The following JUN variants were observed in gnomAD, a reference collection of about 807,000 sequenced individuals.
JUN encodes the protein transcription factor Jun.
JUN carries 7 observed loss-of-function variants against 19.7 expected under a neutral mutation model. The ratio of observed to expected loss-of-function variants is 0.36; its 90% CI spans 0.20 to 0.67. The LOEUF (loss-of-function observed/expected upper bound fraction) is 0.67. JUN is among the 30% of genes least tolerant of loss of function. The pLI, the probability that JUN is intolerant of heterozygous loss-of-function variation, is 0.64. For synonymous variants in JUN, 246 were observed against 206.9 expected, an observed-to-expected ratio of 1.19 and a Z score of -1.62; for missense variants, 373 against 451.0, an observed-to-expected ratio of 0.83 and a Z score of 1.57.
chr1:58,783,202 C>T lies in JUN; in HGVS notation c.-132G>A, dbSNP rs1272370523. On this transcript the variant is annotated 5_prime_UTR_variant, in exon 1 of 1. Coordinates refer to ENST00000371222, the MANE Select transcript of JUN (RefSeq NM_002228.4). Reference sequence around the variant, plus strand: ...TTGACAGGGAAAGTTTCTCTAAGAGCGCACGCACCCGCTGGCTGTCGTCCC... The same window carrying T: ...TTGACAGGGAAAGTTTCTCTAAGAGTGCACGCACCCGCTGGCTGTCGTCCC... 1.5e-6 allele frequency: 2 copies of T among 1,378,320 alleles called. No individual in the cohort carries two copies. Among genetic ancestry groups the T allele is most frequent in the Non-Finnish European group, 2.0e-6 (2 of 1,019,302 alleles). The allele number at this position is 1,378,320 out of a possible 1,614,324, so 85.4% of individuals were successfully genotyped here.
chr1:58,781,230 TGA>T lies in JUN; in HGVS notation c.*843_*844del, dbSNP rs2100737736. 1 of 233,250 alleles carries T rather than the reference TGA, an allele frequency of 4.3e-6. No individual in the cohort carries two copies. The highest frequency in any genetic ancestry group is 6.1e-5 in the East Asian group (1 of 16,506). The allele number at this position is 233,250 out of a possible 1,614,324, so 14.4% of individuals were successfully genotyped here. A position where few individuals can be genotyped will look rare whatever the true frequency, so the allele number is the denominator to read the frequency against. ...TTTACTGCTTAATAGTAAGAAGCAC[TGA>T]GAGTGATTTTAATCGACATTCTTAA... On this transcript the variant is annotated 3_prime_UTR_variant, in exon 1 of 1. Coordinates refer to ENST00000371222, the MANE Select transcript of JUN (RefSeq NM_002228.4).
At position 58,783,071 on chromosome 1, in the gene JUN, A is replaced by G. The variant is rs750407707; in HGVS notation, c.-1T>C. The G allele has an allele frequency of 6.2e-7, 1 of 1,609,976 alleles. No homozygotes were observed. Among genetic ancestry groups the G allele is most frequent in the Non-Finnish European group, 8.5e-7 (1 of 1,176,884 alleles). On this transcript the variant is annotated 5_prime_UTR_variant, in exon 1 of 1. Coordinates refer to ENST00000371222, the MANE Select transcript of JUN (RefSeq NM_002228.4). ...AGGTCGTTTCCATCTTTGCAGTCAT[A>G]GAACAGTCCGTCACTTCACGTGAGG...
rs1298844297 is a variant in JUN at position 58,781,462 on chromosome 1, A to G, written c.*613T>C. On this transcript the variant is annotated 3_prime_UTR_variant, in exon 1 of 1. Transcript: ENST00000371222. ...TTATTTACAAACAACACTGGGCAGGATACCCAAACAAACAAACAAGAAATA... is the reference window on the plus strand; with the variant it reads ...TTATTTACAAACAACACTGGGCAGGGTACCCAAACAAACAAACAAGAAATA... 2 of 226,128 alleles carry G rather than the reference A, an allele frequency of 8.8e-6. No individual in the cohort carries two copies. Among genetic ancestry groups the G allele is most frequent in the Non-Finnish European group, 1.8e-5 (2 of 113,428 alleles). 14.0% of individuals were successfully genotyped at this position (226,128 alleles called of 1,614,324 possible). A position where few individuals can be genotyped will look rare whatever the true frequency, so the allele number is the denominator to read the frequency against.
In JUN at chr1:58,782,723, G is replaced by T; in HGVS notation, c.348C>A (p.Arg116=). 1 of 1,607,882 alleles carries T rather than the reference G, an allele frequency of 6.2e-7. No individual in the cohort carries two copies. ...TCTGGCTGTGCAGTTCGGCCAGGGC[G>T]CGCACGAAGCCCTCGGCGAAGCCCT... ...EQEGFAEGFV[R]ALAELHSQNT... is the part of the protein sequence containing the mutation. The change falls in exon 1 of 1, where the codon CGC becomes CGA. Residue 116 remains arginine (R), a synonymous_variant. Transcript: ENST00000371222. The surrounding 1 kb of genome is among the most constrained non-coding windows in gnomAD (Gnocchi z 8.7).
At position 58,782,737 on chromosome 1, in the gene JUN, C is replaced by A; in HGVS notation, c.334G>T (p.Glu112Ter). Residue 112 changes from glutamate to a stop codon, truncating the protein, a stop_gained, in exon 1 of 1, where the codon GAG becomes TAG. Coordinates refer to ENST00000371222, the MANE Select transcript of JUN (RefSeq NM_002228.4). LOFTEE classifies it high-confidence loss of function. This position sits in a 1 kb window ranked among gnomAD's most constrained non-coding sequence, Gnocchi z 8.7. ...TCGGCCAGGGCGCGCACGAAGCCCT[C>A]GGCGAAGCCCTCCTGCTCATCTGTC... ...NVTDEQEGFA[E>*]GFVRALAELH... The A allele has an allele frequency of 6.2e-7, 1 of 1,610,680 alleles. No individual in the cohort carries two copies. The highest frequency in any genetic ancestry group is 8.5e-7 in the Non-Finnish European group (1 of 1,179,304).
In JUN at chr1:58,782,529, A is replaced by T. The variant is rs1414693599; in HGVS notation, c.542T>A (p.Leu181Gln). Residue 181 changes from leucine (L) to glutamine (Q), a missense_variant, in exon 1 of 1, where the codon CTG becomes CAG. Physicochemically the swap from Leu to Gln is moderately radical, Grantham distance 113. This residue lies in a region of JUN where 173 missense variants were observed against 154.5 expected (regional missense o/e 1.12). Transcript: ENST00000371222. The surrounding 1 kb of genome is among the most constrained non-coding windows in gnomAD (Gnocchi z 8.7). ...ANLSNFNPGALSSGGGAPSYG... is the reference protein window; with the variant it reads ...ANLSNFNPGAQSSGGGAPSYG... ...GGAGGGCGCCCCGCCGCCGCTGCTC[A>T]GCGCGCCTGGGTTGAAGTTGCTGAG... 5 of 1,575,918 alleles carry T rather than the reference A, an allele frequency of 3.2e-6. No individual in the cohort carries two copies. The highest frequency in any genetic ancestry group is 4.3e-6 in the Non-Finnish European group (5 of 1,167,198).
chr1:58,781,138 G>C lies in JUN; in HGVS notation c.*937C>G. 4.3e-6 allele frequency: 1 copy of C among 233,156 alleles called. No homozygotes were observed. The highest frequency in any genetic ancestry group is 8.5e-6 in the Non-Finnish European group (1 of 117,846). 14.4% of individuals were successfully genotyped at this position (233,156 alleles called of 1,614,324 possible). On this transcript the variant is annotated 3_prime_UTR_variant, in exon 1 of 1. Coordinates refer to ENST00000371222, the MANE Select transcript of JUN (RefSeq NM_002228.4). ...CATATAGATAGCTGGGGGAGGAGGA[G>C]TATAACCTGACCATAGCATCAGGTA... is the stretch of plus-strand genomic sequence containing the variant.
Position 58,782,891 on chromosome 1 carries a change from G to A in JUN, c.180C>T (p.Leu60=). The A allele has an allele frequency of 6.2e-7, 1 of 1,614,224 alleles. No homozygotes were observed. Among genetic ancestry groups the A allele is most frequent in the East Asian group, 2.2e-5 (1 of 44,882 alleles). The change falls in exon 1 of 1, where the codon CTC becomes CTT. Residue 60 remains leucine (L), a synonymous_variant. Transcript: ENST00000371222. This position sits in a 1 kb window ranked among gnomAD's most constrained non-coding sequence, Gnocchi z 8.7. ...KPHLRAKNSD[L]LTSPDVGLLK... ...GCAGCCCCACGTCGGGCGAGGTGAG[G>A]AGGTCCGAGTTCTTGGCGCGGAGGT...
At position 58,782,986 on chromosome 1, in the gene JUN, T is replaced by A. The variant is rs1351439445; in HGVS notation, c.85A>T (p.Ser29Cys). The change falls in exon 1 of 1, where the codon AGT (serine) becomes TGT (cysteine). Residue 29 changes from serine to cysteine, a missense_variant. Transcript: ENST00000371222. This position sits in a 1 kb window ranked among gnomAD's most constrained non-coding sequence, Gnocchi z 8.7. ...LPSESGPYGY[S>C]NPKILKQSMT... is the part of the protein sequence containing the mutation. ...CTCTGTTTCAGGATCTTGGGGTTAC[T>A]GTAGCCATAAGGTCCGCTCTCGGAC... 6.2e-7 allele frequency: 1 copy of A among 1,614,096 alleles called. No individual in the cohort carries two copies. The highest frequency in any genetic ancestry group is 1.3e-5 in the African/African-American group (1 of 74,932).
rs1645576674 is a variant in JUN, at chr1:58,781,851, G to A, written c.*224C>T. On this transcript the variant is annotated 3_prime_UTR_variant, in exon 1 of 1. Coordinates refer to ENST00000371222, the MANE Select transcript of JUN (RefSeq NM_002228.4). ...CGTCCGCAAAGCGGGGCAGCCCGCA[G>A]GCGGCCGCTCCCTGGCTCCACGCCA... is the stretch of plus-strand genomic sequence containing the variant. The A allele has an allele frequency of 1.8e-6, 1 of 560,862 alleles. No individual in the cohort carries two copies. 34.7% of individuals were successfully genotyped at this position (560,862 alleles called of 1,614,324 possible). A position where few individuals can be genotyped will look rare whatever the true frequency, so the allele number is the denominator to read the frequency against.
At position 58,781,228 on chromosome 1, in the gene JUN, A is replaced by C. The variant is rs1645571766; in HGVS notation, c.*847T>G. The C allele has an allele frequency of 4.3e-6, 1 of 233,182 alleles. No individual in the cohort carries two copies. Among genetic ancestry groups the C allele is most frequent in the African/African-American group, 2.2e-5 (1 of 45,326 alleles). 14.4% of individuals were successfully genotyped at this position (233,182 alleles called of 1,614,324 possible). ...TTTTTACTGCTTAATAGTAAGAAGC[A>C]CTGAGAGTGATTTTAATCGACATTC... On this transcript the variant is annotated 3_prime_UTR_variant, in exon 1 of 1. Transcript: ENST00000371222.
rs1402227271 is a variant in JUN at position 58,782,526 on chromosome 1, C to T, written c.545G>A (p.Ser182Asn). The T allele has an allele frequency of 5.7e-6, 9 of 1,575,042 alleles. No individual in the cohort carries two copies. In the Admixed American group the frequency reaches 1.1e-4, roughly 19 times the overall value. ...GTAGGAGGGCGCCCCGCCGCCGCTGCTCAGCGCGCCTGGGTTGAAGTTGCT... is the reference window on the plus strand; with the variant it reads ...GTAGGAGGGCGCCCCGCCGCCGCTGTTCAGCGCGCCTGGGTTGAAGTTGCT... ...NLSNFNPGAL[S>N]SGGGAPSYGA... The change falls in exon 1 of 1, where the codon AGC (serine) becomes AAC (asparagine). Residue 182 changes from serine (S) to asparagine (N), a missense_variant. This residue lies in a region of JUN where 173 missense variants were observed against 154.5 expected (regional missense o/e 1.12). Coordinates refer to ENST00000371222, the MANE Select transcript of JUN (RefSeq NM_002228.4). This position sits in a 1 kb window ranked among gnomAD's most constrained non-coding sequence, Gnocchi z 8.7.
rs908690389 is a variant in JUN at position 58,782,236 on chromosome 1, G to A, written c.835C>T (p.Arg279Trp). 2 of 1,614,096 alleles carry A rather than the reference G, an allele frequency of 1.2e-6. No homozygotes were observed. The highest frequency in any genetic ancestry group is 2.7e-5 in the African/African-American group (2 of 74,932). ...AAGGTTTTCACTTTTTCCTCCAGCC[G>A]GGCGATTCTCTCCAGCTTCCTTTTT... is the stretch of plus-strand genomic sequence containing the variant. ...CRKRKLERIARLEEKVKTLKA... is the reference protein window; with the variant it reads ...CRKRKLERIAWLEEKVKTLKA... The change falls in exon 1 of 1, where the codon CGG becomes TGG. Residue 279 changes from arginine to tryptophan, a missense_variant. Around this residue, in one of 4 missense-constraint regions of JUN, gnomAD observed 83 missense variants for 143.0 expected, o/e 0.58. Transcript: ENST00000371222. The surrounding 1 kb of genome is among the most constrained non-coding windows in gnomAD (Gnocchi z 8.7).
In JUN at chr1:58,782,340, G is replaced by C; in HGVS notation, c.731C>G (p.Pro244Arg). The change falls in exon 1 of 1, where the codon CCC becomes CGC. Residue 244 changes from proline (P) to arginine (R), a missense_variant. This residue lies in a region of JUN where 83 missense variants were observed against 143.0 expected (regional missense o/e 0.58). Transcript: ENST00000371222. The surrounding 1 kb of genome is among the most constrained non-coding windows in gnomAD (Gnocchi z 8.7). The part of the protein sequence containing the change: ...EMPGETPPLS[P>R]IDMESQERIK... ...CCGCTCCTGGGACTCCATGTCGATG[G>C]GGGACAGGGGCGGTGTCTCGCCGGG... is the stretch of plus-strand genomic sequence containing the variant. The C allele has an allele frequency of 6.2e-7, 1 of 1,614,172 alleles. No individual in the cohort carries two copies. The highest frequency in any genetic ancestry group is 8.5e-7 in the Non-Finnish European group (1 of 1,179,978).
rs1477125410 is a variant in JUN at position 58,781,152 on chromosome 1, T to C, written c.*923A>G. On this transcript the variant is annotated 3_prime_UTR_variant, in exon 1 of 1. Transcript: ENST00000371222. ...GGGGAGGAGGAGTATAACCTGACCA[T>C]AGCATCAGGTACATCAGGTACATTT... The C allele has an allele frequency of 4.3e-6, 1 of 232,752 alleles. No homozygotes were observed. The highest frequency in any genetic ancestry group is 8.5e-6 in the Non-Finnish European group (1 of 117,868). 14.4% of individuals were successfully genotyped at this position (232,752 alleles called of 1,614,324 possible). A position where few individuals can be genotyped will look rare whatever the true frequency, so the allele number is the denominator to read the frequency against.
chr1:58,782,265 C>A lies in JUN; in HGVS notation c.806G>T (p.Cys269Phe). The A allele has an allele frequency of 6.2e-7, 1 of 1,614,256 alleles. No individual in the cohort carries two copies. Among genetic ancestry groups the A allele is most frequent in the Non-Finnish European group, 8.5e-7 (1 of 1,180,044 alleles). The change falls in exon 1 of 1, where the codon TGC becomes TTC. Residue 269 changes from cysteine to phenylalanine, a missense_variant. Cys to Phe is a radical substitution (Grantham distance 205). Transcript: ENST00000371222. This position sits in a 1 kb window ranked among gnomAD's most constrained non-coding sequence, Gnocchi z 8.7. ...RMRNRIAASKCRKRKLERIAR... is the reference protein window; with the variant it reads ...RMRNRIAASKFRKRKLERIAR... Reference sequence around the variant, plus strand: ...GATTCTCTCCAGCTTCCTTTTTCGGCACTTGGAGGCAGCGATGCGGTTCCT... The same window carrying A: ...GATTCTCTCCAGCTTCCTTTTTCGGAACTTGGAGGCAGCGATGCGGTTCCT...
Position 58,782,196 on chromosome 1 carries a change from G to T in JUN, c.875C>A (p.Ser292Ter). 6.2e-7 allele frequency: 1 copy of T among 1,614,206 alleles called. No individual in the cohort carries two copies. Among genetic ancestry groups the T allele is most frequent in the Non-Finnish European group, 8.5e-7 (1 of 1,180,028 alleles). ...EKVKTLKAQN[S>*]ELASTANMLR... ...CATGTTGGCCGTGGACGCCAGCTCC[G>T]AGTTCTGAGCTTTCAAGGTTTTCAC... Residue 292 changes from serine (S) to a stop codon, truncating the protein, a stop_gained, in exon 1 of 1, where the codon TCG becomes TAG. Coordinates refer to ENST00000371222, the MANE Select transcript of JUN (RefSeq NM_002228.4). LOFTEE classifies it high-confidence loss of function. This position sits in a 1 kb window ranked among gnomAD's most constrained non-coding sequence, Gnocchi z 8.7.
chr1:58,781,089 G>A lies in JUN; in HGVS notation c.*986C>T, dbSNP rs555868313. 1.3e-5 allele frequency: 3 copies of A among 232,958 alleles called. No individual in the cohort carries two copies. Among genetic ancestry groups the A allele is most frequent in the South Asian group, 1.8e-4 (1 of 5,522 alleles). The allele number at this position is 232,958 out of a possible 1,614,324, so 14.4% of individuals were successfully genotyped here. A position where few individuals can be genotyped will look rare whatever the true frequency, so the allele number is the denominator to read the frequency against. ...CCTTCCTCCAGCCTCCTGAAACATCGCACTATCCTTTGGTAAGCAATTCCA... is the reference window on the plus strand; with the variant it reads ...CCTTCCTCCAGCCTCCTGAAACATCACACTATCCTTTGGTAAGCAATTCCA... On this transcript the variant is annotated 3_prime_UTR_variant, in exon 1 of 1. Transcript: ENST00000371222.
rs1645591209 is a variant in JUN, at chr1:58,783,172, A to C, written c.-102T>G. 2.0e-6 allele frequency: 3 copies of C among 1,507,066 alleles called. 1 individual carries two copies. Among genetic ancestry groups the C allele is most frequent in the South Asian group, 2.7e-5 (2 of 74,778 alleles). 93.4% of individuals were successfully genotyped at this position (1,507,066 alleles called of 1,614,324 possible). A position where few individuals can be genotyped will look rare whatever the true frequency, so the allele number is the denominator to read the frequency against. On this transcript the variant is annotated 5_prime_UTR_variant, in exon 1 of 1. Transcript: ENST00000371222. ...AGCGGGGGACACCCGCGCCCCCCGG[A>C]GCCTTTGACAGGGAAAGTTTCTCTA...
Sources: allele counts gnomAD v4.1 joint callset, GRCh38; gene constraint gnomAD v4.1.1; regional missense constraint gnomAD v4.1.1; non-coding constraint Gnocchi (gnomAD v3.1); transcripts MANE v1.5; gene names NCBI Gene and HGNC (gene_info 2026-07-23, HGNC 2026-07-21).